The following DYM variants were observed in gnomAD, a reference collection of about 807,000 sequenced individuals.
DYM encodes the protein dyggve-Melchior-Clausen syndrome protein.
Under a neutral mutation model 93.1 loss-of-function variants are expected in DYM, and 78 were observed. The observed-to-expected ratio is 0.84, with a 90% CI of 0.70 to 1.01. DYM has a LOEUF of 1.01. Among genes scored for constraint, DYM ranks in the 50% least tolerant of loss-of-function variants. The pLI, the probability that DYM is intolerant of heterozygous loss-of-function variation, is 0.00. For synonymous variants in DYM, 321 were observed against 319.7 expected (o/e 1.00, Z -0.04); for missense variants, 789 against 845.0 (o/e 0.93, Z 0.82).
chr18:49,279,303 T>C (rs2094916194), intron 10 of DYM, among the ~76,000 whole-genome samples: 1 of 152,212 alleles, frequency 6.6e-6, no homozygotes. Flanking sequence ...CAATAAGGTA[T>C]TTCTTAGAAA....
At chr18:49,341,545 G>C (rs1184765928) in intron 6 of DYM, among the ~76,000 whole-genome samples, 1 of 150,280 alleles carries the variant, frequency 6.7e-6, no homozygotes, top group East Asian at 1.9e-4. Flanking sequence ...AAAAAGCAAG[G>C]TCTGTATTTC....
At chr18:49,094,500 A>T (rs2079368872) in intron 17 of DYM, among the ~76,000 whole-genome samples, 1 of 152,222 alleles carries the variant, frequency 6.6e-6, no homozygotes, top group Admixed American at 6.5e-5. Context: ...GGAAAAAATA[A>T]TTACCTGGTA....
chr18:49,155,650 C>G (rs1014798628), intron 15 of DYM, among the ~76,000 whole-genome samples: 1 of 152,234 alleles, frequency 6.6e-6, no homozygotes, highest in East Asian at 1.9e-4. Flanking sequence ...GGCCTTGTTA[C>G]TGGCTCCTTT....
rs1270021745 is a variant in DYM, at chr18:49,066,299, C to T, written c.2026-22095G>A. On this transcript the variant is annotated intron_variant, in intron 17 of 17. Transcript: ENST00000675505. ...TGCTCTTTCTTATACTTACTTTTACCACCTATACCTGCATTCCATAGCCCT... is the reference window on the plus strand; with the variant it reads ...TGCTCTTTCTTATACTTACTTTTACTACCTATACCTGCATTCCATAGCCCT... Among the ~76,000 whole-genome samples the T allele has an allele frequency of 2.6e-5, 4 of 152,196 alleles. 1 individual carries two copies. The highest frequency in any genetic ancestry group is 1.3e-4 in the Admixed American group (2 of 15,284).
At chr18:49,186,476 A>C (rs2090442519) in intron 14 of DYM, among the ~76,000 whole-genome samples, 1 of 152,008 alleles carries the variant, frequency 6.6e-6, no homozygotes, top group South Asian at 2.1e-4. Context: ...ATCTTCTTTT[A>C]TGCCACCCCC....
intron 15 of DYM, among the ~76,000 whole-genome samples, chr18:49,157,025 T>G (rs772804687): frequency 7.2e-5 from 11 of 151,976 alleles, no homozygotes; most frequent in South Asian, 2.1e-4. Flanking sequence ...TTCTTGGTGG[T>G]CACTCTGGTT....
At chr18:49,261,083 C>CA (rs1009835306) in intron 11 of DYM, among the ~76,000 whole-genome samples, 7 of 151,876 alleles carry the variant, frequency 4.6e-5, no homozygotes, top group Non-Finnish European at 8.8e-5. Context: ...CTAACAACAG[C>CA]AAAAAAATTC....
intron 14 of DYM, among the ~76,000 whole-genome samples, chr18:49,200,131 TTA>T (rs2091874952): frequency 6.6e-6 from 1 of 152,008 alleles, no homozygotes; most frequent in African/African-American, 2.4e-5. Context: ...TGGCATTGCA[TTA>T]TGTTAGTAGA....
chr18:49,456,299 T>C (rs2148745309), intron 1 of DYM, among the ~76,000 whole-genome samples: 1 of 152,222 alleles, frequency 6.6e-6, no homozygotes, highest in East Asian at 1.9e-4. Flanking sequence ...AACAAACTAG[T>C]CATATGTTTA....
At chr18:49,421,794 A>G (rs1347944120) in intron 2 of DYM, among the ~76,000 whole-genome samples, 1 of 152,232 alleles carries the variant, frequency 6.6e-6, no homozygotes, top group Non-Finnish European at 1.5e-5. Flanking sequence ...AATAAACCGC[A>G]TAGAGAAGCC....
chr18:49,305,098 A>G (rs1356653123), intron 8 of DYM, among the ~76,000 whole-genome samples: 1 of 152,108 alleles, frequency 6.6e-6, no homozygotes, highest in Non-Finnish European at 1.5e-5. Flanking sequence ...CTCATTGTCC[A>G]TCGCCATCTC....
intron 8 of DYM, among the ~76,000 whole-genome samples, chr18:49,322,235 C>T (rs1016371072): frequency 1.3e-5 from 2 of 152,068 alleles, no homozygotes; most frequent in Non-Finnish European, 2.9e-5. Flanking sequence ...TTGGATGGCT[C>T]ATTCAAATGG....
intron 2 of DYM, among the ~76,000 whole-genome samples, chr18:49,410,350 G>A (rs1271183670): frequency 6.6e-6 from 1 of 151,972 alleles, no homozygotes; most frequent in Non-Finnish European, 1.5e-5. Context: ...ATAAGCCACA[G>A]TACCCAGTCA....
At chr18:49,100,980 A>T (rs908473970) in intron 16 of DYM, among the ~76,000 whole-genome samples, 1 of 152,220 alleles carries the variant, frequency 6.6e-6, no homozygotes. Flanking sequence ...AACCTTTCAG[A>T]TGTTGTCTGA....
intron 15 of DYM, among the ~76,000 whole-genome samples, chr18:49,148,109 C>T (rs555241139): frequency 8.5e-5 from 13 of 152,150 alleles, no homozygotes; most frequent in East Asian, 7.7e-4. Context: ...AACCAAACAC[C>T]GCATGTTCTC....
At chr18:49,292,660 A>G (rs1232955867) in intron 8 of DYM, among the ~76,000 whole-genome samples, 2 of 149,328 alleles carry the variant, frequency 1.3e-5, no homozygotes, top group Admixed American at 6.7e-5. Flanking sequence ...AAAAATAAGG[A>G]AAGTTACAAA....
intron 8 of DYM, among the ~76,000 whole-genome samples, chr18:49,295,372 A>G (rs1023971653): frequency 1.3e-5 from 2 of 152,218 alleles, no homozygotes; most frequent in Non-Finnish European, 2.9e-5. Flanking sequence ...TTGAAGCAAC[A>G]AAATATGTCT....
intron 17 of DYM, among the ~76,000 whole-genome samples, chr18:49,082,263 C>T (rs1031115521): frequency 6.6e-6 from 1 of 152,256 alleles, no homozygotes; most frequent in African/African-American, 2.4e-5. Context: ...ATATAGCTTC[C>T]TGTTTCCTCT....
At position 49,040,375 on chromosome 18, in the gene DYM, G is replaced by C. The variant is rs2070864339; in HGVS notation, c.*3680C>G. 6.6e-6 allele frequency among the ~76,000 whole-genome samples: 1 copy of C among 152,148 alleles called. No individual in the cohort carries two copies. On this transcript the variant is annotated 3_prime_UTR_variant, in exon 18 of 18. Coordinates refer to ENST00000675505, the MANE Select transcript of DYM (RefSeq NM_001353214.3). ...CCTGGCCAAGGGTCTTGGGGCTACT[G>C]GTGAGTCTCCCTTGCTTTGAGTGGG...
Sources: allele counts gnomAD v4.1 joint callset (sites outside exome capture counted in the v4.1 genomes callset), GRCh38; gene constraint gnomAD v4.1.1; transcripts MANE v1.5; gene names NCBI Gene and HGNC (gene_info 2026-07-23, HGNC 2026-07-21).